Variants in MYT1L observed in about 807,000 individuals in gnomAD.
MYT1L encodes myelin transcription factor 1 like.
In MYT1L, 12 loss-of-function variants were observed where a neutral mutation model predicts 126.7. The observed-to-expected ratio is 0.09, with a 90% CI of 0.06 to 0.15. The LOEUF is 0.15. MYT1L is among the 10% of genes least tolerant of loss of function. MYT1L has a pLI of 1.00. For synonymous variants in MYT1L, 541 were observed against 604.2 expected, an observed-to-expected ratio of 0.90 and a Z score of 1.53; for missense variants, 979 against 1,585.2, an observed-to-expected ratio of 0.62 and a Z score of 6.49.
intron 2 of MYT1L, among the ~76,000 whole-genome samples, chr2:2,185,679 G>A (rs1340650659): frequency 1.4e-4 from 19 of 138,222 alleles, no homozygotes; most frequent in Admixed American, 2.8e-4. Flanking sequence ...TTACGTGAGG[G>A]GGACGCAGCC....
intron 3 of MYT1L, among the ~76,000 whole-genome samples, chr2:2,143,800 T>A (rs943072111): frequency 6.6e-6 from 1 of 152,142 alleles, no homozygotes. Flanking sequence ...AACGAAATCG[T>A]GTCCTTTGCA....
At chr2:2,205,448 T>C (rs769839599) in intron 2 of MYT1L, among the ~76,000 whole-genome samples, 16 of 152,202 alleles carry the variant, frequency 1.1e-4, no homozygotes, top group Non-Finnish European at 1.5e-4. Flanking sequence ...AATTCAATCA[T>C]TTATGTTTTT....
intron 4 of MYT1L, among the ~76,000 whole-genome samples, chr2:2,051,314 A>G (rs1385848682): frequency 6.6e-6 from 1 of 152,172 alleles, no homozygotes. Context: ...CATCTAATAA[A>G]CTAATCTTTA....
chr2:2,196,204 T>A (rs2092791629), intron 2 of MYT1L, among the ~76,000 whole-genome samples: 1 of 151,974 alleles, frequency 6.6e-6, no homozygotes, highest in Admixed American at 6.6e-5. Context: ...CAGATGACAA[T>A]GGGATTCTAT....
intron 4 of MYT1L, among the ~76,000 whole-genome samples, chr2:1,999,115 G>A (rs1490094386): frequency 6.6e-6 from 1 of 152,086 alleles, no homozygotes; most frequent in African/African-American, 2.4e-5. Context: ...GACTTTCAAT[G>A]TCTGAATTAA....
In MYT1L at chr2:2,236,757, T is replaced by TTTCTTCTTCTTCTTCTTCTTCTTCTTC. The variant is rs760901038; in HGVS notation, c.-421+47620_-421+47646dup. Among the ~76,000 whole-genome samples the TTTCTTCTTCTTCTTCTTCTTCTTCTTC allele has an allele frequency of 8.3e-5, 11 of 132,620 alleles. No homozygotes were observed. The East Asian group carries it at 2.0e-3, about 25-fold the overall frequency. 87.0% of individuals were successfully genotyped at this position (132,620 alleles called of 152,430 possible). A position where few individuals can be genotyped will look rare whatever the true frequency, so the allele number is the denominator to read the frequency against. ...ACTGGTGAAGACTCATTGGTTGTCCTTTCTTCTTCTTCTTCTTCTTCTTCT... is the reference window on the plus strand; with the variant it reads ...ACTGGTGAAGACTCATTGGTTGTCCTTTCTTCTTCTTCTTCTTCTTCTTCTTCTTCTTCTTCTTCTTCTTCTTCTTCT... On this transcript the variant is annotated intron_variant, in intron 2 of 24. Transcript: ENST00000647738.
intron 4 of MYT1L, among the ~76,000 whole-genome samples, chr2:2,007,320 AC>A (rs146790021): frequency 0.032 from 4,931 of 152,148 alleles, 132 homozygotes; most frequent in Non-Finnish European, 0.05. Flanking sequence ...AACCTCACCA[AC>A]CCTTGCTATC....
At chr2:2,024,067 A>T (rs1424605552) in intron 4 of MYT1L, among the ~76,000 whole-genome samples, 1 of 152,198 alleles carries the variant, frequency 6.6e-6, no homozygotes, top group African/African-American at 2.4e-5. Context: ...CTCAAAACAA[A>T]TGCCAATTTC....
In MYT1L at chr2:1,885,985, G is replaced by A. The variant is rs192456367; in HGVS notation, c.2711+554C>T. On this transcript the variant is annotated intron_variant, in intron 18 of 24. Coordinates refer to ENST00000647738, the MANE Select transcript of MYT1L (RefSeq NM_001303052.2). ...TTAAAAATTATAGGCATAGAGAAGA[G>A]GGAGGTAAAACTCTAGAATGATGTG... Among the ~76,000 whole-genome samples, 5 of 152,254 alleles carry A rather than the reference G, an allele frequency of 3.3e-5. No homozygotes were observed. The East Asian group carries it at 5.8e-4, about 18-fold the overall frequency.
chr2:2,148,838 C>T (rs140655512), intron 3 of MYT1L, among the ~76,000 whole-genome samples: 8 of 152,194 alleles, frequency 5.3e-5, no homozygotes, highest in East Asian at 1.9e-4. Context: ...TTGATGCACC[C>T]GGATTATTTT....
intron 2 of MYT1L, among the ~76,000 whole-genome samples, chr2:2,249,009 C>A (rs1200067732): frequency 6.6e-6 from 1 of 151,856 alleles, no homozygotes; most frequent in Non-Finnish European, 1.5e-5. Flanking sequence ...ACTGAAAGTC[C>A]CAGCCAGAGC....
chr2:2,174,476 T>A (rs1163809317), intron 2 of MYT1L, among the ~76,000 whole-genome samples: 1 of 152,214 alleles, frequency 6.6e-6, no homozygotes, highest in Non-Finnish European at 1.5e-5. Flanking sequence ...TGGCTTCTTT[T>A]ACCTAGGTTT....
chr2:2,019,516 C>A (rs894748867), intron 4 of MYT1L, among the ~76,000 whole-genome samples: 4 of 152,216 alleles, frequency 2.6e-5, no homozygotes, highest in Non-Finnish European at 5.9e-5. Flanking sequence ...AGCCCAGAGG[C>A]CCTAACCCCA....
At chr2:2,064,160 A>C (rs2070915220) in intron 3 of MYT1L, among the ~76,000 whole-genome samples, 1 of 152,206 alleles carries the variant, frequency 6.6e-6, no homozygotes, top group South Asian at 2.1e-4. Context: ...AGAAAATGGC[A>C]AGTGTGAAAC....
At chr2:1,937,475 C>CAA (rs2056090363) in intron 9 of MYT1L, among the ~76,000 whole-genome samples, 1 of 149,750 alleles carries the variant, frequency 6.7e-6, no homozygotes, top group Non-Finnish European at 1.5e-5. Flanking sequence ...TCAGATCGTA[C>CAA]GTCGAGAAGG....
In MYT1L at chr2:1,889,577, G is replaced by A. The variant is rs767501705; in HGVS notation, c.2284-100C>T. 5.2e-5 allele frequency: 48 copies of A among 920,102 alleles called. No homozygotes were observed. Among genetic ancestry groups the A allele is most frequent in the South Asian group, 1.1e-4 (6 of 54,312 alleles). 57.0% of individuals were successfully genotyped at this position (920,102 alleles called of 1,614,324 possible). A position where few individuals can be genotyped will look rare whatever the true frequency, so the allele number is the denominator to read the frequency against. ...CAGTCCTGCCGTCAGCCAGTGTAGC[G>A]TTCAACACAGAATCCCTCGCTGCTG... On this transcript the variant is annotated intron_variant, in intron 15 of 24. Coordinates refer to ENST00000647738, the MANE Select transcript of MYT1L (RefSeq NM_001303052.2). The surrounding 1 kb of genome is among the most constrained non-coding windows in gnomAD (Gnocchi z 4.1).
In MYT1L at chr2:2,149,940, AC is replaced by A. The variant is rs561727836; in HGVS notation, c.-304+22931del. Among the ~76,000 whole-genome samples the A allele has an allele frequency of 1.2e-3, 179 of 151,896 alleles. 1 individual carries two copies. Among genetic ancestry groups the A allele is most frequent in the African/African-American group, 4.2e-3 (174 of 41,392 alleles). On this transcript the variant is annotated intron_variant, in intron 3 of 24. Transcript: ENST00000647738. Reference sequence around the variant, plus strand: ...ATCTGGACCACAGCTTCCTACCTCCACTCTCCATGCCCTGACCCAGTCACCA... The same window carrying A: ...ATCTGGACCACAGCTTCCTACCTCCATCTCCATGCCCTGACCCAGTCACCA...
Position 1,889,919 on chromosome 2 carries a change from T to C in MYT1L, c.2284-442A>G, listed in dbSNP as rs993342812. ...ATGTGTGCATATACATGTATGTGCA[T>C]GTGTGTGTGTGTATAAACACACATA... On this transcript the variant is annotated intron_variant, in intron 15 of 24. Transcript: ENST00000647738. This position sits in a 1 kb window ranked among gnomAD's most constrained non-coding sequence, Gnocchi z 4.1. Among the ~76,000 whole-genome samples the C allele has an allele frequency of 5.3e-5, 8 of 151,702 alleles. No individual in the cohort carries two copies. The highest frequency in any genetic ancestry group is 1.9e-4 in the African/African-American group (8 of 41,252).
intron 9 of MYT1L, among the ~76,000 whole-genome samples, chr2:1,931,764 G>A (rs1333564874): frequency 1.3e-5 from 2 of 152,184 alleles, no homozygotes; most frequent in African/African-American, 4.8e-5. Context: ...TCTCTGGACT[G>A]AAGTTTGTTT....
Sources: allele counts gnomAD v4.1 joint callset (sites outside exome capture counted in the v4.1 genomes callset), GRCh38; gene constraint gnomAD v4.1.1; non-coding constraint Gnocchi (gnomAD v3.1); transcripts MANE v1.5; gene names NCBI Gene and HGNC (gene_info 2026-07-23, HGNC 2026-07-21).